The following BHMT variants were observed in gnomAD, a reference collection of about 807,000 sequenced individuals.
BHMT encodes the protein betaine--homocysteine S-methyltransferase.
A neutral mutation model predicts 49.5 loss-of-function variants in BHMT; 38 were observed. That is an observed-to-expected ratio of 0.77 (90% confidence interval 0.59 to 1.01). The LOEUF (loss-of-function observed/expected upper bound fraction) is 1.01, where lower values mean the gene tolerates loss of function less well. BHMT is among the 50% of genes least tolerant of loss of function. The probability of loss-of-function intolerance (pLI) is 0.00; values close to 1 mark genes in which losing one functional copy is unlikely to be tolerated. For missense variants in BHMT, 426 were observed against 495.7 expected, an observed-to-expected ratio of 0.86 and a Z score of 1.34; for synonymous variants, 166 against 176.3, an observed-to-expected ratio of 0.94 and a Z score of 0.46.
rs1452727506 is a variant in BHMT, at chr5:79,130,952, G to C, written c.1057G>C (p.Glu353Gln). The stretch of plus-strand genomic sequence containing the variant: ...ACACAGGGCCAGGAAGGAATACTGG[G>C]AGAATCTTCGGATAGCCTCAGGCCG... ...VRARARKEYW[E>Q]NLRIASGRPY... Residue 353 changes from glutamate (E) to glutamine (Q), a missense_variant, in exon 8 of 8, where the codon GAG becomes CAG. Glu to Gln is a conservative substitution (Grantham distance 29). Around this residue, in one of 3 missense-constraint regions of BHMT, gnomAD observed 73 missense variants for 68.3 expected, o/e 1.07. Transcript: ENST00000274353. 1 of 1,612,946 alleles carries C rather than the reference G, an allele frequency of 6.2e-7. No homozygotes were observed. Among genetic ancestry groups the C allele is most frequent in the South Asian group, 1.1e-5 (1 of 90,846 alleles).
chr5:79,115,802 G>T lies in BHMT; in HGVS notation c.69G>T (p.Val23=), dbSNP rs1335809056. 1.2e-6 allele frequency: 2 copies of T among 1,613,672 alleles called. No homozygotes were observed. Among genetic ancestry groups the T allele is most frequent in the East Asian group, 4.5e-5 (2 of 44,874 alleles). ...ILERLNAGEI[V]IGDGGFVFAL... Reference sequence around the variant, plus strand: ...AACGTTTAAATGCTGGAGAGATTGTGATTGGAGATGGAGGGTTTGTCTTTG... The same window carrying T: ...AACGTTTAAATGCTGGAGAGATTGTTATTGGAGATGGAGGGTTTGTCTTTG... Residue 23 remains valine (V), a synonymous_variant, in exon 2 of 8, where the codon GTG becomes GTT. Coordinates refer to ENST00000274353, the MANE Select transcript of BHMT (RefSeq NM_001713.3).
rs1335517751 is a variant in BHMT, at chr5:79,126,322, G to C, written c.808+94G>C. 4 of 1,421,028 alleles carry C rather than the reference G, an allele frequency of 2.8e-6. No individual in the cohort carries two copies. The Admixed American group carries it at 6.3e-5, about 23-fold the overall frequency. 88.0% of individuals were successfully genotyped at this position (1,421,028 alleles called of 1,614,324 possible). On this transcript the variant is annotated intron_variant, in intron 6 of 7. Coordinates refer to ENST00000274353, the MANE Select transcript of BHMT (RefSeq NM_001713.3). Reference sequence around the variant, plus strand: ...ATACCCAGAGATCTTTTGTCATAGTGAAGAGATGGCTTGGTGTCTCCTCAT... The same window carrying C: ...ATACCCAGAGATCTTTTGTCATAGTCAAGAGATGGCTTGGTGTCTCCTCAT...
chr5:79,121,565 A>T (rs533894256), intron 5 of BHMT, among the ~76,000 whole-genome samples, 200 bp downstream of exon 5: 1 of 152,320 alleles, frequency 6.6e-6, no homozygotes, highest in South Asian at 2.1e-4. Context: ...CTGTAATCCC[A>T]GCACTTTGGG....
chr5:79,113,995 GA>G (rs1756346869), intron 1 of BHMT, among the ~76,000 whole-genome samples: 1 of 151,562 alleles, frequency 6.6e-6, no homozygotes, highest in African/African-American at 2.4e-5. Context: ...CAAATGTCAT[GA>G]ATTATTTTAT....
At chr5:79,125,282 CCT>C (rs1336093568) in intron 5 of BHMT, among the ~76,000 whole-genome samples, 1 of 151,708 alleles carries the variant, frequency 6.6e-6, no homozygotes, top group African/African-American at 2.4e-5. Flanking sequence ...ATGGTGAAAC[CCT>C]GTCTCCACTA....
At position 79,130,934 on chromosome 5, in the gene BHMT, G is replaced by A; in HGVS notation, c.1039G>A (p.Ala347Thr). 1 of 1,611,184 alleles carries A rather than the reference G, an allele frequency of 6.2e-7. No homozygotes were observed. The highest frequency in any genetic ancestry group is 2.2e-5 in the East Asian group (1 of 44,752). The change falls in exon 8 of 8, where the codon GCC becomes ACC. Residue 347 changes from alanine (A) to threonine (T), a missense_variant and splice_region_variant. By Grantham distance (58) the Ala-to-Thr change is moderately conservative. Coordinates refer to ENST00000274353, the MANE Select transcript of BHMT (RefSeq NM_001713.3). ...MHTKPWVRAR[A>T]RKEYWENLRI... ...GTGTCATGTGTTTTGTTCACACAGGGCCAGGAAGGAATACTGGGAGAATCT... is the reference window on the plus strand; with the variant it reads ...GTGTCATGTGTTTTGTTCACACAGGACCAGGAAGGAATACTGGGAGAATCT...
At position 79,120,392 on chromosome 5, in the gene BHMT, G is replaced by A. The variant is rs1270788267; in HGVS notation, c.328G>A (p.Val110Met). Residue 110 changes from valine to methionine, a missense_variant, in exon 4 of 8, where the codon GTG becomes ATG. By Grantham distance (21) the Val-to-Met change is conservative (BLOSUM62 1). This residue lies in a region of BHMT where 321 missense variants were observed against 355.9 expected (regional missense o/e 0.90). Coordinates refer to ENST00000274353, the MANE Select transcript of BHMT (RefSeq NM_001713.3). ...AGCTGCTTGCGACATCGCCCGACAAGTGGCTGATGAAGGAGATGCTTTGGT... is the reference window on the plus strand; with the variant it reads ...AGCTGCTTGCGACATCGCCCGACAAATGGCTGATGAAGGAGATGCTTTGGT... ...NEAACDIARQ[V>M]ADEGDALVAG... 1 of 1,613,948 alleles carries A rather than the reference G, an allele frequency of 6.2e-7. No homozygotes were observed. The highest frequency in any genetic ancestry group is 1.7e-5 in the Admixed American group (1 of 59,940).
At chr5:79,130,642 T>C (rs896317067) in intron 7 of BHMT, among the ~76,000 whole-genome samples, 1 of 150,626 alleles carries the variant, frequency 6.6e-6, no homozygotes, top group African/African-American at 2.4e-5. Context: ...GTGTTAATGG[T>C]ATGTCATACT....
intron 5 of BHMT, 63 bp downstream of exon 5, chr5:79,121,428 C>A: frequency 4.4e-6 from 7 of 1,587,708 alleles, no homozygotes; most frequent in Non-Finnish European, 6.0e-6. Flanking sequence ...TAGTGCACAT[C>A]TGTCTACAAA....
chr5:79,120,637 C>A, intron 4 of BHMT, 96 bp downstream of exon 4: 1 of 1,105,200 alleles, frequency 9.0e-7, no homozygotes, highest in Non-Finnish European at 1.2e-6. Flanking sequence ...AGGTGACAAT[C>A]ATAACTAGCA....
intron 2 of BHMT, 184 bp downstream of exon 2, chr5:79,116,083 T>A (rs1160661051): frequency 5.0e-6 from 3 of 603,986 alleles, no homozygotes; most frequent in Admixed American, 7.8e-5. Context: ...CTGGACATGG[T>A]GGTGCACTCC....
At position 79,119,326 on chromosome 5, in the gene BHMT, G is replaced by A. The variant is rs1184810720; in HGVS notation, c.234G>A (p.Ala78=). The part of the protein sequence containing the change: ...SNVMQTFTFY[A]SEDKLENRGN... Reference sequence around the variant, plus strand: ...TCATGCAGACCTTCACCTTCTATGCGAGTGAAGACAAGCTGGAGAACAGGG... The same window carrying A: ...TCATGCAGACCTTCACCTTCTATGCAAGTGAAGACAAGCTGGAGAACAGGG... Residue 78 remains alanine, a synonymous_variant, in exon 3 of 8, where the codon GCG becomes GCA. Transcript: ENST00000274353. The A allele has an allele frequency of 1.3e-5, 21 of 1,613,976 alleles. 2 individuals carry two copies. In the East Asian group the frequency reaches 2.7e-4, roughly 21 times the overall value.
chr5:79,126,175 A>C lies in BHMT; in HGVS notation c.755A>C (p.His252Pro), dbSNP rs1756549898. The change falls in exon 6 of 8, where the codon CAC (histidine) becomes CCC (proline). Residue 252 changes from histidine (H) to proline (P), a missense_variant. Coordinates refer to ENST00000274353, the MANE Select transcript of BHMT (RefSeq NM_001713.3). Reference protein sequence around the residue: ...AHLMSQPLAYHTPDCNKQGFI... With the variant: ...AHLMSQPLAYPTPDCNKQGFI... ...CTGATGAGCCAGCCCTTGGCTTACCACACTCCTGACTGCAACAAGCAGGGA... is the reference window on the plus strand; with the variant it reads ...CTGATGAGCCAGCCCTTGGCTTACCCCACTCCTGACTGCAACAAGCAGGGA... 1 of 1,613,718 alleles carries C rather than the reference A, an allele frequency of 6.2e-7. No individual in the cohort carries two copies. The highest frequency in any genetic ancestry group is 1.3e-5 in the African/African-American group (1 of 74,918).
At chr5:79,120,591 C>T (rs775969244) in intron 4 of BHMT, 50 bp downstream of exon 4, 9 of 1,531,994 alleles carry the variant, frequency 5.9e-6, no homozygotes, top group Non-Finnish European at 7.0e-6. Context: ...AGTACATTTT[C>T]TCTACCTTTT....
Position 79,127,736 on chromosome 5 carries a change from A to G in BHMT, c.809-19A>G. ...AAAAGAATGTATAATGCCTAATGGC[A>G]TAATGCCACTTATTACAGGACTGGA... On this transcript the variant is annotated intron_variant, in intron 6 of 7. Coordinates refer to ENST00000274353, the MANE Select transcript of BHMT (RefSeq NM_001713.3). The G allele has an allele frequency of 6.2e-7, 1 of 1,613,612 alleles. No homozygotes were observed. The highest frequency in any genetic ancestry group is 8.5e-7 in the Non-Finnish European group (1 of 1,179,696).
intron 7 of BHMT, 115 bp downstream of exon 7, chr5:79,128,098 A>G: frequency 7.9e-7 from 1 of 1,265,492 alleles, no homozygotes. Context: ...GTCATCCCCA[A>G]ATTCTCTCCC....
intron 5 of BHMT, among the ~76,000 whole-genome samples, chr5:79,124,308 G>T (rs951591569): frequency 2.6e-5 from 4 of 152,120 alleles, no homozygotes; most frequent in Non-Finnish European, 5.9e-5. Context: ...CAGCACTTTG[G>T]GAGGCAAAGG....
intron 6 of BHMT, 176 bp downstream of exon 6, chr5:79,126,404 CAGA>C (rs113465267): frequency 4.6e-6 from 3 of 645,710 alleles, no homozygotes; most frequent in African/African-American, 1.8e-5. Flanking sequence ...TAGAGAAGAG[CAGA>C]AGGAAAGGAT....
In BHMT at chr5:79,128,528, TTAA is replaced by T. The variant is rs1385751807; in HGVS notation, c.1037+546_1037+548del. On this transcript the variant is annotated intron_variant, in intron 7 of 7. Coordinates refer to ENST00000274353, the MANE Select transcript of BHMT (RefSeq NM_001713.3). ...TTGGGCAACAGAGTGAGACCCTGTT[TTAA>T]AAAAAAAAAAAAAAAAGAATATAGC... Among the ~76,000 whole-genome samples the T allele has an allele frequency of 3.0e-3, 399 of 133,002 alleles. 7 individuals carry two copies. The highest frequency in any genetic ancestry group is 3.5e-3 in the Non-Finnish European group (223 of 63,330). The allele number at this position is 133,002 out of a possible 152,430, so 87.3% of individuals were successfully genotyped here.
Sources: gnomAD v4.1 joint callset for allele counts (sites outside exome capture counted in the v4.1 genomes callset) on GRCh38, gnomAD v4.1.1 for gene constraint, gnomAD v4.1.1 regional missense constraint, MANE v1.5 for transcripts, NCBI Gene and HGNC (gene_info 2026-07-23, HGNC 2026-07-21) for gene names.